The following ZNF804A variants were observed in gnomAD, a reference collection of about 807,000 sequenced individuals.
The protein encoded by ZNF804A is zinc finger protein 804A.
A neutral mutation model predicts 16.5 loss-of-function variants in ZNF804A; 2 were observed. The ratio of observed to expected loss-of-function variants is 0.12; its 90% confidence interval spans 0.05 to 0.38. The LOEUF (loss-of-function observed/expected upper bound fraction) is 0.38. Among genes scored for constraint, ZNF804A ranks in the 10% least tolerant of loss-of-function variants. ZNF804A has a pLI of 0.99. For synonymous variants in ZNF804A, 534 were observed against 489.6 expected, an observed-to-expected ratio of 1.09 and a Z score of -1.20; for missense variants, 1,473 against 1,390.7, an observed-to-expected ratio of 1.06 and a Z score of -0.94.
chr2:184,780,656 T>C (rs540906878), intron 1 of ZNF804A, among the ~76,000 whole-genome samples: 1 of 151,878 alleles, frequency 6.6e-6, no homozygotes, highest in South Asian at 2.1e-4. Context: ...CACCAGAGCT[T>C]CTTATACTGT....
chr2:184,785,620 T>C (rs1383134436), intron 1 of ZNF804A, among the ~76,000 whole-genome samples: 1 of 151,956 alleles, frequency 6.6e-6, no homozygotes, highest in Non-Finnish European at 1.5e-5. Context: ...CCAATTCAAG[T>C]CTGGCTAAGA....
intron 1 of ZNF804A, among the ~76,000 whole-genome samples, chr2:184,826,186 C>G (rs1212921767): frequency 6.6e-6 from 1 of 152,004 alleles, no homozygotes; most frequent in Non-Finnish European, 1.5e-5. Flanking sequence ...GCCCAGCTCC[C>G]TTTTTACTTT....
rs1685282579 is a variant in ZNF804A at position 184,906,876 on chromosome 2, G to A, written c.256-26727G>A. Among the ~76,000 whole-genome samples, 3 of 152,134 alleles carry A rather than the reference G, an allele frequency of 2.0e-5. No individual in the cohort carries two copies. In the South Asian group the frequency reaches 6.2e-4, roughly 32 times the overall value. On this transcript the variant is annotated intron_variant, in intron 2 of 3. Transcript: ENST00000302277. ...AGGAAGCCAGAGATTTGAAGCATGA[G>A]AAGAATTTGACACATGAGAAATTCC...
At chr2:184,873,179 G>A (rs1007186199) in intron 2 of ZNF804A, among the ~76,000 whole-genome samples, 17 of 152,114 alleles carry the variant, frequency 1.1e-4, no homozygotes, top group African/African-American at 4.1e-4. Flanking sequence ...TTATTTTTGT[G>A]ACATTGGGGT....
Position 184,937,387 on chromosome 2 carries a change from C to A in ZNF804A, c.1991C>A (p.Ser664Tyr), listed in dbSNP as rs1472649773. Residue 664 changes from serine (S) to tyrosine (Y), a missense_variant, in exon 4 of 4, where the codon TCC becomes TAC. Coordinates refer to ENST00000302277, the MANE Select transcript of ZNF804A (RefSeq NM_194250.2). Reference protein sequence around the residue: ...QLLDKRPKSESISLSDNEEMC... With the variant: ...QLLDKRPKSEYISLSDNEEMC... ...CTTGATAAAAGGCCCAAATCAGAAT[C>A]CATATCCTTAAGTGACAATGAAGAA... The A allele has an allele frequency of 6.2e-7, 1 of 1,613,500 alleles. No individual in the cohort carries two copies. The highest frequency in any genetic ancestry group is 8.5e-7 in the Non-Finnish European group (1 of 1,179,760).
intron 1 of ZNF804A, among the ~76,000 whole-genome samples, chr2:184,719,377 G>T (rs1021810007): frequency 1.3e-5 from 2 of 151,996 alleles, no homozygotes; most frequent in African/African-American, 4.8e-5. Context: ...CCATTGTCTT[G>T]GGGATTAACA....
chr2:184,858,836 A>G lies in ZNF804A; in HGVS notation c.112-7533A>G, dbSNP rs558598819. 2.3e-4 allele frequency among the ~76,000 whole-genome samples: 35 copies of G among 152,244 alleles called. No homozygotes were observed. In the South Asian group the frequency reaches 7.0e-3, roughly 31 times the overall value. On this transcript the variant is annotated intron_variant, in intron 1 of 3. Coordinates refer to ENST00000302277, the MANE Select transcript of ZNF804A (RefSeq NM_194250.2). ...AAGAACTCCCTTTATCCATTTTTGT[A>G]AGACAAGTCTAATGATAAGTTAACC...
intron 2 of ZNF804A, among the ~76,000 whole-genome samples, chr2:184,932,025 C>T (rs1350182795): frequency 1.3e-5 from 2 of 152,128 alleles, no homozygotes; most frequent in African/African-American, 4.8e-5. Flanking sequence ...TATTCCAGTT[C>T]CCAATAAGTT....
chr2:184,653,723 A>G (rs1692027232), intron 1 of ZNF804A, among the ~76,000 whole-genome samples: 1 of 152,180 alleles, frequency 6.6e-6, no homozygotes, highest in Non-Finnish European at 1.5e-5. Flanking sequence ...GTGCATTTAC[A>G]GGAGTTGTAT....
intron 1 of ZNF804A, among the ~76,000 whole-genome samples, chr2:184,685,647 T>C (rs1247104590): frequency 6.6e-6 from 1 of 152,094 alleles, no homozygotes; most frequent in Non-Finnish European, 1.5e-5. Flanking sequence ...GGAGTTTCTA[T>C]GGGCTCAGAA....
chr2:184,667,616 T>A (rs1250032534), intron 1 of ZNF804A, among the ~76,000 whole-genome samples: 18 of 151,846 alleles, frequency 1.2e-4, no homozygotes, highest in Admixed American at 1.2e-3. Context: ...ATAAACATAT[T>A]AGGAAATTTA....
At chr2:184,671,506 A>G (rs899015507) in intron 1 of ZNF804A, among the ~76,000 whole-genome samples, 1 of 152,070 alleles carries the variant, frequency 6.6e-6, no homozygotes, top group Non-Finnish European at 1.5e-5. Context: ...ATATGGACCT[A>G]TCTTTTTAGG....
At chr2:184,864,780 C>T (rs538711362) in intron 1 of ZNF804A, among the ~76,000 whole-genome samples, 1 of 151,768 alleles carries the variant, frequency 6.6e-6, no homozygotes, top group African/African-American at 2.4e-5. Flanking sequence ...AGGATAAGTG[C>T]CATTGCCATA....
chr2:184,791,997 A>G (rs553666284), intron 1 of ZNF804A, among the ~76,000 whole-genome samples: 40 of 152,296 alleles, frequency 2.6e-4, no homozygotes, highest in Admixed American at 1.6e-3. Context: ...TCATCACTTG[A>G]TAACTCATTT....
At chr2:184,847,226 A>G (rs1365005435) in intron 1 of ZNF804A, among the ~76,000 whole-genome samples, 1 of 152,092 alleles carries the variant, frequency 6.6e-6, no homozygotes, top group Non-Finnish European at 1.5e-5. Flanking sequence ...TTTAGTATTC[A>G]GTCTCTGCCT....
intron 1 of ZNF804A, among the ~76,000 whole-genome samples, chr2:184,630,623 A>C (rs1167137153): frequency 6.6e-6 from 1 of 152,178 alleles, no homozygotes; most frequent in Non-Finnish European, 1.5e-5. Context: ...TAAAAAATTC[A>C]AGGTTTAATC....
intron 1 of ZNF804A, among the ~76,000 whole-genome samples, chr2:184,755,671 C>G (rs1183963308): frequency 6.6e-6 from 1 of 151,848 alleles, no homozygotes; most frequent in African/African-American, 2.4e-5. Context: ...TAAAATGAAT[C>G]ACAACACACC....
chr2:184,768,921 A>T (rs1298329032), intron 1 of ZNF804A, among the ~76,000 whole-genome samples: 1 of 152,088 alleles, frequency 6.6e-6, no homozygotes, highest in East Asian at 1.9e-4. Context: ...TCTCATCTTA[A>T]TCACCCTCTT....
chr2:184,684,625 A>G (rs759858226), intron 1 of ZNF804A, among the ~76,000 whole-genome samples: 2 of 152,058 alleles, frequency 1.3e-5, no homozygotes, highest in Non-Finnish European at 2.9e-5. Flanking sequence ...GGTTTGTTGT[A>G]TGGATATATT....
Sources: gnomAD v4.1 joint callset for allele counts (sites outside exome capture counted in the v4.1 genomes callset) on GRCh38, gnomAD v4.1.1 for gene constraint, MANE v1.5 for transcripts, NCBI Gene and HGNC (gene_info 2026-07-23, HGNC 2026-07-21) for gene names.